The following PTBP3 variants were observed in gnomAD, a reference collection of about 807,000 sequenced individuals.
The protein encoded by PTBP3 is polypyrimidine tract binding protein 3.
A neutral mutation model predicts 58.7 loss-of-function variants in PTBP3; 20 were observed. The observed-to-expected ratio is 0.34, with a 90% confidence interval of 0.24 to 0.50. PTBP3 has a LOEUF of 0.50. Among genes scored for constraint, PTBP3 ranks in the 20% least tolerant of loss-of-function variants. PTBP3 has a pLI of 0.98. For synonymous variants in PTBP3, 185 were observed against 219.8 expected (o/e 0.84, Z 1.40); for missense variants, 509 against 637.2 (o/e 0.80, Z 2.17).
rs568646632 is a variant in PTBP3 at position 112,236,678 on chromosome 9, T to C, written c.803-1781A>G. Among the ~76,000 whole-genome samples the C allele has an allele frequency of 1.3e-3, 200 of 152,298 alleles. 1 individual carries two copies. Among genetic ancestry groups the C allele is most frequent in the African/African-American group, 4.6e-3 (190 of 41,560 alleles). On this transcript the variant is annotated intron_variant, in intron 7 of 13. Transcript: ENST00000374257. ...ATGCCTTTAGGTGGAAGAGCACATA[T>C]TTCCATGCAGTTCACACTGGGCTTG...
chr9:112,318,953 T>C (rs895962160), intron 1 of PTBP3, among the ~76,000 whole-genome samples: 3 of 149,776 alleles, frequency 2.0e-5, no homozygotes, highest in African/African-American at 4.9e-5. Context: ...CATGGAGAAA[T>C]TCCGTCTCTA....
chr9:112,250,847 G>C, intron 7 of PTBP3, 82 bp downstream of exon 7: 5 of 1,281,686 alleles, frequency 3.9e-6, no homozygotes, highest in South Asian at 2.4e-5. Flanking sequence ...AGAAGAAAAA[G>C]GCTTATAAAC....
intron 9 of PTBP3, among the ~76,000 whole-genome samples, 187 bp downstream of exon 9, chr9:112,231,912 A>AGAAG (rs1835216313): frequency 4.7e-5 from 5 of 107,382 alleles, no homozygotes; most frequent in Non-Finnish European, 9.6e-5. Context: ...CTGAAAAGAA[A>AGAAG]AGAAGAGAAG....
intron 7 of PTBP3, among the ~76,000 whole-genome samples, chr9:112,236,967 C>T (rs1321325395): frequency 6.6e-6 from 1 of 152,026 alleles, no homozygotes; most frequent in Non-Finnish European, 1.5e-5. Flanking sequence ...CTATCAACCA[C>T]TGATGAGGGG....
chr9:112,303,447 T>C (rs1428092719), intron 1 of PTBP3, among the ~76,000 whole-genome samples: 1 of 152,244 alleles, frequency 6.6e-6, no homozygotes, highest in Non-Finnish European at 1.5e-5. Flanking sequence ...CTCAGATACC[T>C]TGAGGTCTCT....
Position 112,298,546 on chromosome 9 carries a change from T to G in PTBP3, c.-51-630A>C, listed in dbSNP as rs1465401784. 5.9e-6 allele frequency: 3 copies of G among 509,552 alleles called. No individual in the cohort carries two copies. The Admixed American group carries it at 6.0e-5, about 10-fold the overall frequency. 31.6% of individuals were successfully genotyped at this position (509,552 alleles called of 1,614,324 possible). A position where few individuals can be genotyped will look rare whatever the true frequency, so the allele number is the denominator to read the frequency against. ...TGTAATGTAAGATCTACCACCAACA[T>G]TTAAAAGATTACTTTCAGGAAGGAC... On this transcript the variant is annotated intron_variant, in intron 1 of 13. Transcript: ENST00000374257.
At chr9:112,356,490 T>A in the PTBP3 span, among the ~76,000 whole-genome samples, 1 of 151,928 alleles carries the variant, frequency 6.6e-6, no homozygotes, top group African/African-American at 2.4e-5. Context: ...GCAGTTGTCA[T>A]ATAGTTAAGA....
intron 3 of PTBP3, among the ~76,000 whole-genome samples, chr9:112,274,672 T>A (rs1827532787): frequency 6.6e-6 from 1 of 152,192 alleles, no homozygotes; most frequent in South Asian, 2.1e-4. Flanking sequence ...AAGCCACATA[T>A]TAATTCTATA....
chr9:112,227,367 G>C (rs768535592), intron 12 of PTBP3, 44 bp downstream of exon 12: 1 of 1,577,848 alleles, frequency 6.3e-7, no homozygotes, highest in Admixed American at 1.7e-5. Context: ...ACATATTGTA[G>C]ATTATTCATC....
chr9:112,239,968 T>C (rs1219168539), intron 7 of PTBP3, among the ~76,000 whole-genome samples: 5 of 151,552 alleles, frequency 3.3e-5, no homozygotes, highest in East Asian at 2.0e-4. Flanking sequence ...TCTCTCAGTG[T>C]ACCTGGGAGA....
intron 4 of PTBP3, among the ~76,000 whole-genome samples, chr9:112,266,022 T>C (rs542783528): frequency 2.0e-5 from 3 of 152,190 alleles, no homozygotes; most frequent in African/African-American, 7.2e-5. Context: ...GATTGTATTA[T>C]GACATCCTAA....
chr9:112,232,277 T>A (rs376519030), intron 8 of PTBP3, 39 bp from the exon 9 acceptor site: 17 of 1,512,456 alleles, frequency 1.1e-5, no homozygotes, highest in Non-Finnish European at 1.5e-5. Context: ...TTCTAATTAT[T>A]TGAAGAACTG....
upstream of PTBP3, among the ~76,000 whole-genome samples, chr9:112,335,379 G>A (rs1426016004): frequency 2.6e-5 from 4 of 151,452 alleles, no homozygotes; most frequent in Admixed American, 6.6e-5. Context: ...TCTGCCTCCC[G>A]AGTTCAAGTG....
At chr9:112,263,900 A>G (rs1279935460) in intron 4 of PTBP3, among the ~76,000 whole-genome samples, 3 of 152,166 alleles carry the variant, frequency 2.0e-5, no homozygotes, top group Admixed American at 6.5e-5. Context: ...ACCATAATGG[A>G]AACTTTTTTC....
At chr9:112,232,663 A>T (rs891150577) in intron 8 of PTBP3, among the ~76,000 whole-genome samples, 7 of 152,234 alleles carry the variant, frequency 4.6e-5, no homozygotes, top group African/African-American at 1.7e-4. Context: ...AGTCAAAAAC[A>T]TGCATGCTAG....
the PTBP3 span, among the ~76,000 whole-genome samples, chr9:112,376,411 G>A: frequency 6.6e-6 from 1 of 151,432 alleles, no homozygotes; most frequent in Non-Finnish European, 1.5e-5. Context: ...GTGCTACCAC[G>A]CCCAGCTACT....
chr9:112,231,730 T>C (rs1835208219), intron 9 of PTBP3, among the ~76,000 whole-genome samples: 1 of 137,018 alleles, frequency 7.3e-6, no homozygotes, highest in African/African-American at 2.9e-5. Flanking sequence ...AGCAAGATCC[T>C]GTTTTTACAA....
intron 8 of PTBP3, among the ~76,000 whole-genome samples, chr9:112,233,796 T>C (rs1418002586): frequency 6.6e-6 from 1 of 152,088 alleles, no homozygotes; most frequent in African/African-American, 2.4e-5. Context: ...CTGGGCGTGG[T>C]GACATGCACT....
At chr9:112,294,729 ACAT>A (rs1828594655) in intron 2 of PTBP3, among the ~76,000 whole-genome samples, 1 of 152,240 alleles carries the variant, frequency 6.6e-6, no homozygotes, top group Non-Finnish European at 1.5e-5. Flanking sequence ...ATTTGAAGAC[ACAT>A]CATTGAATAA....
Sources: gnomAD v4.1 joint callset for allele counts (sites outside exome capture counted in the v4.1 genomes callset) on GRCh38, gnomAD v4.1.1 for gene constraint, MANE v1.5 for transcripts, NCBI Gene and HGNC (gene_info 2026-07-23, HGNC 2026-07-21) for gene names.